The following HTR2C variants were observed in gnomAD, a reference collection of about 807,000 sequenced individuals.
HTR2C encodes 5-hydroxytryptamine receptor 2C.
In HTR2C, 5 loss-of-function variants were observed where a neutral mutation model predicts 21.0. The observed-to-expected ratio is 0.24, with a 90% confidence interval of 0.12 to 0.50. HTR2C has a LOEUF of 0.50. Ranked by LOEUF, HTR2C falls within the 20% of genes least tolerant of loss-of-function variation. The pLI is 0.98. For missense variants in HTR2C, 271 were observed against 371.2 expected (o/e 0.73, Z 2.22); for synonymous variants, 150 against 145.3 (o/e 1.03, Z -0.23).
In HTR2C at chrX:114,589,061, C is replaced by T. The variant is rs782212636; in HGVS notation, c.-147+4402C>T. Among the ~76,000 whole-genome samples the T allele has an allele frequency of 3.0e-4, 34 of 112,028 alleles. 1 individual carries two copies. The highest frequency in any genetic ancestry group is 1.9e-4 in the Non-Finnish European group (10 of 53,190). ...AACCAGGCAGTTTTATTCCAGAGGC[C>T]GTGGTGTTAAACAACAAACTATTGC... On this transcript the variant is annotated intron_variant, in intron 1 of 5. Transcript: ENST00000276198.
intron 4 of HTR2C, among the ~76,000 whole-genome samples, chrX:114,747,466 G>A (rs967734322): frequency 5.6e-4 from 63 of 112,025 alleles, no homozygotes; most frequent in African/African-American, 2.0e-3. Flanking sequence ...TGACATAATT[G>A]TCTACACAGA....
chrX:114,834,487 A>G (rs1215331222), intron 4 of HTR2C, among the ~76,000 whole-genome samples: 1 of 110,458 alleles, frequency 9.1e-6, no homozygotes, highest in Non-Finnish European at 1.9e-5. Flanking sequence ...ATCTTTGTTG[A>G]TTTAAAGTCT....
At chrX:114,605,437 T>A (rs1174296699) in intron 1 of HTR2C, among the ~76,000 whole-genome samples, 1 of 110,791 alleles carries the variant, frequency 9.0e-6, no homozygotes, top group Admixed American at 9.6e-5. Flanking sequence ...GGGTTGGTAC[T>A]GAGGGGACAG....
At chrX:114,613,323 A>G (rs1556399134) in intron 1 of HTR2C, among the ~76,000 whole-genome samples, 1 of 111,792 alleles carries the variant, frequency 8.9e-6, no homozygotes. Context: ...TAGACCATGT[A>G]AGGTTACTTC....
intron 4 of HTR2C, among the ~76,000 whole-genome samples, chrX:114,802,685 T>TCTTC (rs1569495237): frequency 1.5e-5 from 1 of 64,577 alleles, no homozygotes; most frequent in Non-Finnish European, 2.8e-5. Context: ...ATGCTTAGAT[T>TCTTC]CTTTCTTTCT....
chrX:114,664,734 C>T (rs1449716948), intron 2 of HTR2C, among the ~76,000 whole-genome samples: 2 of 111,201 alleles, frequency 1.8e-5, no homozygotes, highest in Admixed American at 1.9e-4. Flanking sequence ...GGGTATATAC[C>T]CAGTAATGGG....
intron 4 of HTR2C, among the ~76,000 whole-genome samples, chrX:114,781,814 T>TAAA (rs782045730): frequency 2.2e-3 from 205 of 91,903 alleles, no homozygotes; most frequent in African/African-American, 6.6e-3. Context: ...CCCCGCCGTC[T>TAAA]AAAAAAAAAA....
At chrX:114,821,910 ACT>A (rs1393072561) in intron 4 of HTR2C, among the ~76,000 whole-genome samples, 2 of 95,610 alleles carry the variant, frequency 2.1e-5, no homozygotes, top group Admixed American at 1.2e-4. Context: ...ATGGAGTCTC[ACT>A]CTGTCTCTGA....
chrX:114,688,499 G>A (rs1229939261), intron 2 of HTR2C, among the ~76,000 whole-genome samples: 1 of 111,197 alleles, frequency 9.0e-6, no homozygotes, highest in Admixed American at 9.6e-5. Context: ...CTTATAATTT[G>A]TCAGGTTTAA....
intron 2 of HTR2C, among the ~76,000 whole-genome samples, chrX:114,719,049 ATATAAT>A (rs1240503621): frequency 3.8e-5 from 4 of 103,913 alleles, no homozygotes; most frequent in African/African-American, 1.0e-4. Flanking sequence ...AATATTAATA[ATATAAT>A]TATAATTATA....
chrX:114,872,191 G>A, intron 5 of HTR2C, among the ~76,000 whole-genome samples: 1 of 109,815 alleles, frequency 9.1e-6, no homozygotes, highest in Admixed American at 9.8e-5. Flanking sequence ...ATTAGTAATT[G>A]GTGACTTCAC....
intron 2 of HTR2C, among the ~76,000 whole-genome samples, chrX:114,701,633 A>G (rs1418136413): frequency 8.9e-6 from 1 of 111,960 alleles, no homozygotes; most frequent in Non-Finnish European, 1.9e-5. Context: ...GAAAAACTGG[A>G]AACTCTAAAA....
intron 5 of HTR2C, 33 bp from the exon 6 acceptor site, chrX:114,906,555 GC>G: frequency 9.8e-7 from 1 of 1,021,196 alleles, no homozygotes. Flanking sequence ...CCTTCAAGAT[GC>G]TATAACAACC....
intron 4 of HTR2C, among the ~76,000 whole-genome samples, chrX:114,834,398 A>G (rs1298274375): frequency 5.6e-5 from 6 of 106,566 alleles, no homozygotes; most frequent in Non-Finnish European, 1.2e-4. Flanking sequence ...TATTGGGTGC[A>G]TATATATTTA....
chrX:114,808,606 C>A (rs2070501688), intron 4 of HTR2C, among the ~76,000 whole-genome samples: 1 of 111,286 alleles, frequency 9.0e-6, no homozygotes, highest in Admixed American at 9.6e-5. Context: ...CTTCCGTTTT[C>A]TCCACATCCT....
chrX:114,819,180 TG>T (rs1374344938), intron 4 of HTR2C, among the ~76,000 whole-genome samples: 25 of 112,093 alleles, frequency 2.2e-4, no homozygotes, highest in African/African-American at 8.1e-4. Flanking sequence ...AAATTTATTT[TG>T]GAATAACAAA....
rs1383251394 is a variant in HTR2C at position 114,638,007 on chromosome X, T to C, written c.-80+24126T>C. On this transcript the variant is annotated intron_variant, in intron 2 of 5. Transcript: ENST00000276198. Reference sequence around the variant, plus strand: ...TTCAGGGACAGAAATAATAAGAAAATAGATCTGCATCCATTGTGGTTCAGG... The same window carrying C: ...TTCAGGGACAGAAATAATAAGAAAACAGATCTGCATCCATTGTGGTTCAGG... Among the ~76,000 whole-genome samples the C allele has an allele frequency of 2.7e-5, 3 of 111,467 alleles. No homozygotes were observed. In the Admixed American group the frequency reaches 2.9e-4, roughly 11 times the overall value.
intron 4 of HTR2C, among the ~76,000 whole-genome samples, chrX:114,798,587 G>T (rs1042214985): frequency 9.0e-6 from 1 of 111,278 alleles, no homozygotes. Context: ...TAACTTAACG[G>T]GATTTGACTG....
At chrX:114,689,124 T>A (rs1932021482) in intron 2 of HTR2C, among the ~76,000 whole-genome samples, 1 of 105,803 alleles carries the variant, frequency 9.5e-6, no homozygotes, top group Non-Finnish European at 1.9e-5. Context: ...CTTAGAATAA[T>A]GGTCTCCAAC....
Sources: gnomAD v4.1 joint callset for allele counts (sites outside exome capture counted in the v4.1 genomes callset) on GRCh38, gnomAD v4.1.1 for gene constraint, MANE v1.5 for transcripts, NCBI Gene and HGNC (gene_info 2026-07-23, HGNC 2026-07-21) for gene names.